Variants in MYO5A observed in about 807,000 individuals in gnomAD.
MYO5A encodes the protein unconventional myosin-Va.
A neutral mutation model predicts 249.7 loss-of-function variants in MYO5A; 98 were observed. That is an observed-to-expected ratio of 0.39 (90% confidence interval 0.33 to 0.46). MYO5A has a LOEUF of 0.46. Among genes scored for constraint, MYO5A ranks in the 20% least tolerant of loss-of-function variants. The pLI is 0.98. For missense variants in MYO5A, 1,696 were observed against 2,308.8 expected (o/e 0.73, Z 5.44); for synonymous variants, 778 against 810.6 (o/e 0.96, Z 0.68).
intron 8 of MYO5A, among the ~76,000 whole-genome samples, chr15:52,406,848 A>G (rs1305834914): frequency 6.6e-6 from 1 of 152,204 alleles, no homozygotes; most frequent in Non-Finnish European, 1.5e-5. Context: ...CCAGCCACAG[A>G]AAGATCCCCA....
intron 1 of MYO5A, among the ~76,000 whole-genome samples, chr15:52,467,197 G>C (rs554743081): frequency 2.6e-5 from 4 of 152,244 alleles, no homozygotes; most frequent in Admixed American, 2.6e-4. Flanking sequence ...AAAAATCCTT[G>C]AAATGTCGAT....
chr15:52,413,147 CAAAAA>C (rs767059579), intron 5 of MYO5A, among the ~76,000 whole-genome samples: 2 of 66,146 alleles, frequency 3.0e-5, no homozygotes, highest in African/African-American at 6.0e-5. Context: ...AACTCTGTCT[CAAAAA>C]AAAAAAAAAA....
At chr15:52,446,152 C>T (rs116981248) in intron 1 of MYO5A, among the ~76,000 whole-genome samples, 1 of 152,212 alleles carries the variant, frequency 6.6e-6, no homozygotes, top group African/African-American at 2.4e-5. Context: ...CCAGCAGCCC[C>T]TCCCACCACA....
chr15:52,407,935 T>A, intron 7 of MYO5A, 124 bp downstream of exon 7: 1 of 717,158 alleles, frequency 1.4e-6, no homozygotes, highest in South Asian at 1.6e-5. Flanking sequence ...AAGGGCTGAC[T>A]TTTTATCATA....
At chr15:52,517,189 G>C (rs1435727869) in intron 1 of MYO5A, among the ~76,000 whole-genome samples, 1 of 152,176 alleles carries the variant, frequency 6.6e-6, no homozygotes, top group Non-Finnish European at 1.5e-5. Context: ...AAAATGAAGT[G>C]AATGTGAATG....
At position 52,433,248 on chromosome 15, in the gene MYO5A, C is replaced by T; in HGVS notation, c.65G>A (p.Trp22Ter). The T allele has an allele frequency of 6.2e-7, 1 of 1,613,750 alleles. No individual in the cohort carries two copies. Among genetic ancestry groups the T allele is most frequent in the Non-Finnish European group, 8.5e-7 (1 of 1,179,872 alleles). Residue 22 changes from tryptophan to a stop codon, truncating the protein, a stop_gained, in exon 2 of 42, where the codon TGG (tryptophan) becomes TAG (stop). Coordinates refer to ENST00000399233, the MANE Select transcript of MYO5A (RefSeq NM_001382347.1). LOFTEE classifies it high-confidence loss of function. ...ATCTTTGAGCAGCTCTGCTGACTTCCAGACTTCCTCTGGATCAGGTATCCA... is the reference window on the plus strand; with the variant it reads ...ATCTTTGAGCAGCTCTGCTGACTTCTAGACTTCCTCTGGATCAGGTATCCA... ...RVWIPDPEEVWKSAELLKDYK... is the reference protein window; with the variant it reads ...RVWIPDPEEV
intron 11 of MYO5A, among the ~76,000 whole-genome samples, chr15:52,395,681 A>G (rs939174935): frequency 6.6e-6 from 1 of 152,208 alleles, no homozygotes; most frequent in Admixed American, 6.5e-5. Flanking sequence ...AACTTGCCCA[A>G]GGTCTCCTAG....
intron 9 of MYO5A, among the ~76,000 whole-genome samples, chr15:52,400,847 T>C (rs914270007): frequency 6.6e-6 from 1 of 152,200 alleles, no homozygotes; most frequent in Non-Finnish European, 1.5e-5. Flanking sequence ...TTGTAATTAA[T>C]ACATGTCTTG....
chr15:52,497,988 T>C (rs1011300895), intron 1 of MYO5A, among the ~76,000 whole-genome samples: 11 of 151,986 alleles, frequency 7.2e-5, no homozygotes, highest in African/African-American at 2.7e-4. Flanking sequence ...AAATCATATA[T>C]TAGAAGCAAA....
chr15:52,393,985 T>C (rs2042376000), intron 11 of MYO5A, among the ~76,000 whole-genome samples: 1 of 152,186 alleles, frequency 6.6e-6, no homozygotes, highest in African/African-American at 2.4e-5. Context: ...CACACACATC[T>C]CCATGTCTAG....
At chr15:52,431,220 A>G (rs1435952732) in intron 2 of MYO5A, among the ~76,000 whole-genome samples, 1 of 149,614 alleles carries the variant, frequency 6.7e-6, no homozygotes, top group Non-Finnish European at 1.5e-5. Context: ...TGACAGAGCA[A>G]AATTCCGTCT....
chr15:52,372,514 GATATATGGAGGCTACAAA>G lies in MYO5A; in HGVS notation c.2578-169_2578-152del, dbSNP rs2041180252. On this transcript the variant is annotated intron_variant, in intron 20 of 41. Coordinates refer to ENST00000399233, the MANE Select transcript of MYO5A (RefSeq NM_001382347.1). ...TACTATGTAGATTATACTTATCACAGATATATGGAGGCTACAAAATTATTTTTAAAAGTGATTTGAAAA... is the reference window on the plus strand; with the variant it reads ...TACTATGTAGATTATACTTATCACAGATTATTTTTAAAAGTGATTTGAAAA... The G allele has an allele frequency of 2.8e-6, 3 of 1,078,512 alleles. No homozygotes were observed. The African/African-American group carries it at 4.8e-5, about 17-fold the overall frequency. The allele number at this position is 1,078,512 out of a possible 1,614,324, so 66.8% of individuals were successfully genotyped here.
chr15:52,493,158 A>C (rs1364689710), intron 1 of MYO5A, among the ~76,000 whole-genome samples: 1 of 152,192 alleles, frequency 6.6e-6, no homozygotes, highest in African/African-American at 2.4e-5. Context: ...TGTCCAAGAA[A>C]AACTAAATCT....
intron 25 of MYO5A, 85 bp downstream of exon 25, chr15:52,359,883 T>C: frequency 1.1e-6 from 1 of 908,186 alleles, no homozygotes; most frequent in Non-Finnish European, 1.8e-6. Context: ...TATGGCCAAT[T>C]GGAGTCTGCT....
At chr15:52,369,745 TTTGCAATTCAAAAAA>T (rs1370855265) in intron 22 of MYO5A, among the ~76,000 whole-genome samples, 1 of 152,114 alleles carries the variant, frequency 6.6e-6, no homozygotes, top group Non-Finnish European at 1.5e-5. Context: ...AAAGACTGAT[TTTGCAATTCAAAAAA>T]TTGCAACCTT....
At position 52,377,574 on chromosome 15, in the gene MYO5A, C is replaced by CTT. The variant is rs71130155; in HGVS notation, c.2209-1018_2209-1017dup. On this transcript the variant is annotated intron_variant, in intron 18 of 41. Transcript: ENST00000399233. ...AGAATCATTACTGTGACCTGGAATTCTTTTTTTTTTTTTTTGAGATGAGTC... is the reference window on the plus strand; with the variant it reads ...AGAATCATTACTGTGACCTGGAATTCTTTTTTTTTTTTTTTTTGAGATGAGTC... Among the ~76,000 whole-genome samples the CTT allele has an allele frequency of 9.6e-3, 1,336 of 139,760 alleles. 23 individuals carry two copies. The highest frequency in any genetic ancestry group is 0.026 in the South Asian group (116 of 4,488). 91.7% of individuals were successfully genotyped at this position (139,760 alleles called of 152,430 possible). A position where few individuals can be genotyped will look rare whatever the true frequency, so the allele number is the denominator to read the frequency against.
chr15:52,336,946 G>C (rs183946256), intron 33 of MYO5A, among the ~76,000 whole-genome samples: 89 of 152,296 alleles, frequency 5.8e-4, no homozygotes, highest in African/African-American at 2.0e-3. Context: ...TGGAAAGAAT[G>C]GTTGAACTTA....
At chr15:52,433,078 A>G (rs1423985551) in intron 2 of MYO5A, 97 bp downstream of exon 2, 19 of 945,080 alleles carry the variant, frequency 2.0e-5, no homozygotes, top group Non-Finnish European at 2.9e-5. Flanking sequence ...GTAAGTTCAA[A>G]ATTTAACTTC....
At position 52,351,278 on chromosome 15, in the gene MYO5A, G is replaced by A; in HGVS notation, c.3825C>T (p.Ser1275=). 1 of 1,614,100 alleles carries A rather than the reference G, an allele frequency of 6.2e-7. No individual in the cohort carries two copies. Among genetic ancestry groups the A allele is most frequent in the Non-Finnish European group, 8.5e-7 (1 of 1,180,012 alleles). The change falls in exon 28 of 42, where the codon AGC becomes AGT. Residue 1275 remains serine (S), a synonymous_variant. Transcript: ENST00000399233. ...CCTTGGGTTGGATGGCCTCTTTCTGGCTCACCAGTTGAGACCTTAAGATGA... is the reference window on the plus strand; with the variant it reads ...CCTTGGGTTGGATGGCCTCTTTCTGACTCACCAGTTGAGACCTTAAGATGA... ...EVLILRSQLV[S]QKEAIQPKDD...
Sources: gnomAD v4.1 joint callset for allele counts (sites outside exome capture counted in the v4.1 genomes callset) on GRCh38, gnomAD v4.1.1 for gene constraint, MANE v1.5 for transcripts, NCBI Gene and HGNC (gene_info 2026-07-23, HGNC 2026-07-21) for gene names.